Variants in AGO1 observed in about 807,000 individuals in gnomAD.
AGO1 encodes the protein argonaute RISC component 1, also known as protein argonaute-1.
A neutral mutation model predicts 109.2 loss-of-function variants in AGO1; 11 were observed. The ratio of observed to expected loss-of-function variants is 0.10; its 90% CI spans 0.06 to 0.17. The LOEUF is 0.17. AGO1 is among the 10% of genes least tolerant of loss of function. AGO1 has a pLI of 1.00. For missense variants in AGO1, 574 were observed against 1,140.3 expected (o/e 0.50, Z 7.15); for synonymous variants, 422 against 418.6 (o/e 1.01, Z -0.10).
At chr1:35,906,358 G>T (rs941428796) in intron 11 of AGO1, among the ~76,000 whole-genome samples, 1 of 152,142 alleles carries the variant, frequency 6.6e-6, no homozygotes, top group Non-Finnish European at 1.5e-5. Flanking sequence ...TGCTTGAGCG[G>T]GGCAAGGTGG....
chr1:35,890,206 A>G (rs1335614305), intron 2 of AGO1, among the ~76,000 whole-genome samples: 1 of 151,884 alleles, frequency 6.6e-6, no homozygotes, highest in Non-Finnish European at 1.5e-5. Flanking sequence ...TATTTTTAGT[A>G]GAGACAGGGT....
Position 35,901,494 on chromosome 1 carries a change from G to A in AGO1, c.1041G>A (p.Gly347=). Residue 347 remains glycine (G), a synonymous_variant, in exon 9 of 19, where the codon GGG becomes GGA. Transcript: ENST00000373204. The surrounding 1 kb of genome is among the most constrained non-coding windows in gnomAD (Gnocchi z 4.8). ...CTCAGGTCTGTAACATTGTGGCTGG[G>A]CAGCGCTGTATTAAAAAGCTGACCG... ...LPLEVCNIVA[G]QRCIKKLTDN... is the part of the protein sequence containing the mutation. The A allele has an allele frequency of 6.2e-7, 1 of 1,614,036 alleles. No individual in the cohort carries two copies. The highest frequency in any genetic ancestry group is 8.5e-7 in the Non-Finnish European group (1 of 1,179,964).
At position 35,883,360 on chromosome 1, in the gene AGO1, T is replaced by C; in HGVS notation, c.-62T>C. The C allele has an allele frequency of 6.3e-7, 1 of 1,580,130 alleles. No individual in the cohort carries two copies. The highest frequency in any genetic ancestry group is 2.5e-5 in the East Asian group (1 of 39,394). ...CCGAGCAGCGAGAGTGTGGGGTACC[T>C]AGGCCCCTCACGCTGGACTTCACAG... On this transcript the variant is annotated 5_prime_UTR_variant, in exon 1 of 19. Transcript: ENST00000373204. This position sits in a 1 kb window ranked among gnomAD's most constrained non-coding sequence, Gnocchi z 5.4.
Position 35,925,872 on chromosome 1 carries a change from T to C in AGO1, c.*6265T>C, listed in dbSNP as rs1645916781. The C allele has an allele frequency of 6.6e-6, 1 of 152,206 alleles. No individual in the cohort carries two copies. The highest frequency in any genetic ancestry group is 1.5e-5 in the Non-Finnish European group (1 of 68,060). 9.4% of individuals were successfully genotyped at this position (152,206 alleles called of 1,614,324 possible). A position where few individuals can be genotyped will look rare whatever the true frequency, so the allele number is the denominator to read the frequency against. On this transcript the variant is annotated 3_prime_UTR_variant, in exon 19 of 19. Transcript: ENST00000373204. ...GGGGGTAAGAAGGCTCAGAGAAGGA[T>C]CCTGGCGGATACCCCAGTGAGAAAT...
At chr1:35,873,386 A>C (rs1428302877) in intron 1 of AGO1, 3 of 154,230 alleles carry the variant, frequency 1.9e-5, no homozygotes, top group Non-Finnish European at 4.4e-5. Context: ...ATGTCCTGGA[A>C]GCTCTTCTTA....
intron 8 of AGO1, among the ~76,000 whole-genome samples, chr1:35,895,911 A>G (rs767988956): frequency 4.6e-5 from 7 of 152,242 alleles, no homozygotes; most frequent in Non-Finnish European, 1.0e-4. Flanking sequence ...CTACTCAAAA[A>G]GTGTGGTCAT....
In AGO1 at chr1:35,893,466, A is replaced by AC; in HGVS notation, c.512+188_512+189insC. On this transcript the variant is annotated intron_variant, in intron 4 of 18. Transcript: ENST00000373204. This position sits in a 1 kb window ranked among gnomAD's most constrained non-coding sequence, Gnocchi z 5.6. ...AAAGCCCTGGCCCTGAACTTCTTAG[A>AC]TATCTTTGGGCCTCATCCCATCTGT... 1 of 810,654 alleles carries AC rather than the reference A, an allele frequency of 1.2e-6. No individual in the cohort carries two copies. Among genetic ancestry groups the AC allele is most frequent in the South Asian group, 1.9e-5 (1 of 52,966 alleles). 50.2% of individuals were successfully genotyped at this position (810,654 alleles called of 1,614,324 possible). A position where few individuals can be genotyped will look rare whatever the true frequency, so the allele number is the denominator to read the frequency against.
intron 1 of AGO1, among the ~76,000 whole-genome samples, chr1:35,885,769 T>A (rs1372759898): frequency 6.6e-6 from 1 of 152,244 alleles, no homozygotes; most frequent in East Asian, 1.9e-4. Context: ...CTGGTTTATT[T>A]GTAGAACTAG....
chr1:35,899,293 A>G (rs1645374990), intron 8 of AGO1, among the ~76,000 whole-genome samples: 1 of 152,180 alleles, frequency 6.6e-6, no homozygotes, highest in Non-Finnish European at 1.5e-5. Context: ...TCATCTATCC[A>G]TGGATACTTG....
intron 8 of AGO1, among the ~76,000 whole-genome samples, chr1:35,895,690 G>A (rs544010916): frequency 1.3e-5 from 2 of 152,288 alleles, no homozygotes; most frequent in South Asian, 4.1e-4. Flanking sequence ...AAGGATTAAT[G>A]TGTTCCTTTT....
chr1:35,870,261 T>G (rs634335), intron 1 of AGO1, among the ~76,000 whole-genome samples: 47,320 of 151,628 alleles, frequency 0.31, 10,736 homozygotes, highest in East Asian at 0.78. Flanking sequence ...AAAAGAAAAA[T>G]AATATAACAT....
At position 35,928,562 on chromosome 1, in the gene AGO1, G is replaced by GCATAATTCCATAATTC. The variant is rs1645975465; in HGVS notation, c.*8960_*8961insTTCCATAATTCCATAA. ...GCCTCCCAAAGTGCTGGAATTACAGGCATAAGCCACAAGCCACTGGGCCCA... is the reference window on the plus strand; with the variant it reads ...GCCTCCCAAAGTGCTGGAATTACAGGCATAATTCCATAATTCCATAAGCCACAAGCCACTGGGCCCA... On this transcript the variant is annotated 3_prime_UTR_variant, in exon 19 of 19. Coordinates refer to ENST00000373204, the MANE Select transcript of AGO1 (RefSeq NM_012199.5). 2 of 152,114 alleles carry GCATAATTCCATAATTC rather than the reference G, an allele frequency of 1.3e-5. No individual in the cohort carries two copies. Among genetic ancestry groups the GCATAATTCCATAATTC allele is most frequent in the Non-Finnish European group, 2.9e-5 (2 of 68,046 alleles). The allele number at this position is 152,114 out of a possible 1,614,324, so 9.4% of individuals were successfully genotyped here.
At position 35,929,383 on chromosome 1, in the gene AGO1, G is replaced by A. The variant is rs140969609; in HGVS notation, c.*9776G>A. 34 of 152,340 alleles carry A rather than the reference G, an allele frequency of 2.2e-4. No homozygotes were observed. Among genetic ancestry groups the A allele is most frequent in the African/African-American group, 7.9e-4 (33 of 41,568 alleles). The allele number at this position is 152,340 out of a possible 1,614,324, so 9.4% of individuals were successfully genotyped here. On this transcript the variant is annotated 3_prime_UTR_variant, in exon 19 of 19. Coordinates refer to ENST00000373204, the MANE Select transcript of AGO1 (RefSeq NM_012199.5). ...AGGGTGTAAATTCTGCTCCATCAAT[G>A]TTGAAAAAGACTAGCCCACCCCAAA...
upstream of AGO1, among the ~76,000 whole-genome samples, chr1:35,880,396 A>C (rs948056021): frequency 6.6e-6 from 1 of 152,136 alleles, no homozygotes; most frequent in Non-Finnish European, 1.5e-5. Flanking sequence ...ACAATAAGTA[A>C]GTAAATAAAT....
At chr1:35,916,296 G>A (rs1376130773) in intron 15 of AGO1, among the ~76,000 whole-genome samples, 13 of 152,154 alleles carry the variant, frequency 8.5e-5, no homozygotes, top group Admixed American at 8.5e-4. Flanking sequence ...AAGATAATTA[G>A]GAGTGGAACC....
At chr1:35,870,476 G>T (rs1259107307) in intron 1 of AGO1, among the ~76,000 whole-genome samples, 1 of 151,976 alleles carries the variant, frequency 6.6e-6, no homozygotes, top group African/African-American at 2.4e-5. Context: ...GTAGAGACGG[G>T]GTTTCACCGT....
rs1244564144 is a variant in AGO1 at position 35,883,227 on chromosome 1, GCTCGCAGTGGGAGCTGCTGCAGGCT to G, written c.-193_-169del. On this transcript the variant is annotated 5_prime_UTR_variant, in exon 1 of 19. Coordinates refer to ENST00000373204, the MANE Select transcript of AGO1 (RefSeq NM_012199.5). The surrounding 1 kb of genome is among the most constrained non-coding windows in gnomAD (Gnocchi z 5.4). ...CCTGCGCACTGGCAGCTGGCCGGGC[GCTCGCAGTGGGAGCTGCTGCAGGCT>G]CCGCGGCGGCGGCAACGGAGGCTGC... 2.4e-6 allele frequency: 3 copies of G among 1,227,010 alleles called. No individual in the cohort carries two copies. The highest frequency in any genetic ancestry group is 3.1e-6 in the Non-Finnish European group (3 of 980,472). 76.0% of individuals were successfully genotyped at this position (1,227,010 alleles called of 1,614,324 possible). A position where few individuals can be genotyped will look rare whatever the true frequency, so the allele number is the denominator to read the frequency against.
intron 12 of AGO1, among the ~76,000 whole-genome samples, chr1:35,910,355 A>G (rs139155999): frequency 6.6e-6 from 1 of 151,674 alleles, no homozygotes; most frequent in African/African-American, 2.4e-5. Flanking sequence ...TGTCTTTAGT[A>G]TATTTAATTG....
In AGO1 at chr1:35,921,074, A is replaced by G. The variant is rs1645823762; in HGVS notation, c.*1467A>G. The G allele has an allele frequency of 6.6e-6, 1 of 152,628 alleles. No homozygotes were observed. Among genetic ancestry groups the G allele is most frequent in the Non-Finnish European group, 1.5e-5 (1 of 68,142 alleles). The allele number at this position is 152,628 out of a possible 1,614,324, so 9.5% of individuals were successfully genotyped here. ...GTGCAGATAATACCTTTTTCTTGCT[A>G]TAGCCTCCCTCCTCTGCACTGTCCT... On this transcript the variant is annotated 3_prime_UTR_variant, in exon 19 of 19. Transcript: ENST00000373204.
Sources: allele counts gnomAD v4.1 joint callset (sites outside exome capture counted in the v4.1 genomes callset), GRCh38; gene constraint gnomAD v4.1.1; non-coding constraint Gnocchi (gnomAD v3.1); transcripts MANE v1.5; gene names NCBI Gene and HGNC (gene_info 2026-07-23, HGNC 2026-07-21).